Variants in THSD7B observed in about 807,000 individuals in gnomAD.
THSD7B encodes thrombospondin type-1 domain-containing protein 7B.
A neutral mutation model predicts 213.6 loss-of-function variants in THSD7B; 138 were observed. That is an observed-to-expected ratio of 0.65 (90% CI 0.56 to 0.74). The LOEUF (loss-of-function observed/expected upper bound fraction) is 0.74, where lower values mean the gene tolerates loss of function less well. THSD7B is among the 30% of genes least tolerant of loss of function. The pLI is 0.00. For synonymous variants in THSD7B, 742 were observed against 687.0 expected, an observed-to-expected ratio of 1.08 and a Z score of -1.25; for missense variants, 1,931 against 1,991.5, an observed-to-expected ratio of 0.97 and a Z score of 0.58.
At chr2:137,235,554 A>G (rs1209758247) in intron 9 of THSD7B, among the ~76,000 whole-genome samples, 1 of 152,138 alleles carries the variant, frequency 6.6e-6, no homozygotes, top group Admixed American at 6.5e-5. Flanking sequence ...ATCAGCATCT[A>G]TTTCTTCTTG....
At chr2:137,557,817 G>C (rs1198058474) in intron 15 of THSD7B, among the ~76,000 whole-genome samples, 2 of 152,118 alleles carry the variant, frequency 1.3e-5, no homozygotes, top group Non-Finnish European at 2.9e-5. Flanking sequence ...TAGACCACTA[G>C]CAAGACTAAT....
chr2:136,856,056 A>G (rs1183929429), intron 1 of THSD7B, among the ~76,000 whole-genome samples: 1 of 151,854 alleles, frequency 6.6e-6, no homozygotes, highest in African/African-American at 2.4e-5. Context: ...ACACTTTTTC[A>G]TTTCCTTAGT....
In THSD7B at chr2:136,890,301, C is replaced by T. The variant is rs1558839722; in HGVS notation, c.139+7984C>T. Among the ~76,000 whole-genome samples, 2 of 486 alleles carry T rather than the reference C, an allele frequency of 4.1e-3. 1 individual carries two copies. Among genetic ancestry groups the T allele is most frequent in the Non-Finnish European group, 0.014 (2 of 138 alleles). The allele number at this position is 486 out of a possible 152,430, so 0.3% of individuals were successfully genotyped here. On this transcript the variant is annotated intron_variant, in intron 2 of 27. Coordinates refer to ENST00000409968, the MANE Select transcript of THSD7B (RefSeq NM_001316349.2). ...ATTGCTCATTCATGTCCATGTCCTACTCCTTCTTCTTCTTCTTCTTCTTCT... is the reference window on the plus strand; with the variant it reads ...ATTGCTCATTCATGTCCATGTCCTATTCCTTCTTCTTCTTCTTCTTCTTCT...
At chr2:137,082,912 C>T (rs924951595) in intron 3 of THSD7B, among the ~76,000 whole-genome samples, 1 of 152,078 alleles carries the variant, frequency 6.6e-6, no homozygotes, top group African/African-American at 2.4e-5. Context: ...TAACATCACA[C>T]TCAAGGATAC....
chr2:137,536,222 C>T (rs1200522060), intron 15 of THSD7B, among the ~76,000 whole-genome samples: 1 of 151,010 alleles, frequency 6.6e-6, no homozygotes, highest in Non-Finnish European at 1.5e-5. Context: ...AGATCCCAGT[C>T]TCAAAACAGA....
At chr2:137,182,461 C>T (rs1344691694) in intron 7 of THSD7B, among the ~76,000 whole-genome samples, 1 of 152,056 alleles carries the variant, frequency 6.6e-6, no homozygotes, top group Admixed American at 6.6e-5. Flanking sequence ...TATGAAGCTG[C>T]CTATAGTGTA....
intron 2 of THSD7B, chr2:136,906,647 C>T (rs1439980322): frequency 1.3e-5 from 2 of 152,088 alleles, no homozygotes; most frequent in Non-Finnish European, 2.9e-5. Context: ...TTTCCAGAAT[C>T]CTTCACTGTT....
intron 7 of THSD7B, among the ~76,000 whole-genome samples, chr2:137,183,394 C>G (rs1388879507): frequency 6.6e-6 from 1 of 152,058 alleles, no homozygotes; most frequent in Non-Finnish European, 1.5e-5. Flanking sequence ...TGGCAGCTAT[C>G]TTGATTTTTC....
chr2:137,625,224 G>T (rs1446939227), intron 20 of THSD7B, among the ~76,000 whole-genome samples: 1 of 150,762 alleles, frequency 6.6e-6, no homozygotes, highest in Non-Finnish European at 1.5e-5. Context: ...CTATCACAAG[G>T]TCAGAAAACC....
chr2:137,466,574 A>T (rs867038077), intron 15 of THSD7B, among the ~76,000 whole-genome samples: 1 of 152,102 alleles, frequency 6.6e-6, no homozygotes, highest in Non-Finnish European at 1.5e-5. Context: ...TCTTCTTCCA[A>T]TGTGGCTCAG....
intron 2 of THSD7B, among the ~76,000 whole-genome samples, chr2:136,968,786 T>C (rs908542133): frequency 3.9e-5 from 6 of 152,110 alleles, no homozygotes; most frequent in African/African-American, 1.4e-4. Context: ...CAGAAAGCAA[T>C]AGCCTTTAAA....
intron 7 of THSD7B, among the ~76,000 whole-genome samples, chr2:137,174,257 C>G (rs1680318226): frequency 6.6e-6 from 1 of 152,126 alleles, no homozygotes; most frequent in Non-Finnish European, 1.5e-5. Flanking sequence ...ATGTCCCATT[C>G]AAATTGTGGA....
At chr2:137,353,702 G>A (rs1352854561) in intron 12 of THSD7B, among the ~76,000 whole-genome samples, 1 of 151,974 alleles carries the variant, frequency 6.6e-6, no homozygotes, top group Admixed American at 6.6e-5. Context: ...AAGATCTTAT[G>A]GATAAATACA....
intron 12 of THSD7B, among the ~76,000 whole-genome samples, chr2:137,282,874 A>T (rs1683062686): frequency 6.6e-6 from 1 of 152,058 alleles, no homozygotes; most frequent in South Asian, 2.1e-4. Flanking sequence ...CTTAGGATTG[A>T]CTTGGCAATG....
chr2:136,771,472 A>G (rs941344419), intron 1 of THSD7B, among the ~76,000 whole-genome samples: 2 of 152,120 alleles, frequency 1.3e-5, no homozygotes, highest in Admixed American at 1.3e-4. Context: ...TTAATTTCCT[A>G]TTATCCACTT....
chr2:137,324,488 T>G (rs1684325780), intron 12 of THSD7B, among the ~76,000 whole-genome samples: 1 of 152,174 alleles, frequency 6.6e-6, no homozygotes, highest in Non-Finnish European at 1.5e-5. Context: ...CATTCATTGC[T>G]TTGAATTTTA....
chr2:137,253,890 G>T (rs1489969830), intron 10 of THSD7B, among the ~76,000 whole-genome samples: 1 of 152,070 alleles, frequency 6.6e-6, no homozygotes, highest in African/African-American at 2.4e-5. Flanking sequence ...CTAATGTGAT[G>T]GTAGATTTAT....
intron 17 of THSD7B, among the ~76,000 whole-genome samples, chr2:137,595,728 A>G (rs1442838487): frequency 1.3e-5 from 2 of 151,966 alleles, no homozygotes; most frequent in Non-Finnish European, 2.9e-5. Flanking sequence ...AGATATATGT[A>G]CACATTCCAC....
At chr2:137,315,780 C>G (rs1030617214) in intron 12 of THSD7B, among the ~76,000 whole-genome samples, 2 of 152,022 alleles carry the variant, frequency 1.3e-5, no homozygotes, top group African/African-American at 4.8e-5. Flanking sequence ...GCCAGTTATC[C>G]CTAGTTACCC....
Sources: allele counts gnomAD v4.1 joint callset (sites outside exome capture counted in the v4.1 genomes callset), GRCh38; gene constraint gnomAD v4.1.1; transcripts MANE v1.5; gene names NCBI Gene and HGNC (gene_info 2026-07-23, HGNC 2026-07-21).